Variants in SLC12A5 observed in about 807,000 individuals in gnomAD.
SLC12A5 encodes solute carrier family 12 member 5.
Under a neutral mutation model 124.0 loss-of-function variants are expected in SLC12A5, and 18 were observed. The observed-to-expected ratio is 0.15, with a 90% CI of 0.10 to 0.22. The LOEUF is 0.22. Among genes scored for constraint, SLC12A5 ranks in the 10% least tolerant of loss-of-function variants. The pLI, the probability that SLC12A5 is intolerant of heterozygous loss-of-function variation, is 1.00. For synonymous variants in SLC12A5, 589 were observed against 568.0 expected (o/e 1.04, Z -0.53); for missense variants, 867 against 1,478.7 (o/e 0.59, Z 6.78).
intron 5 of SLC12A5, 24 bp from the exon 6 acceptor site, chr20:46,037,231 G>A (rs538294635): frequency 2.7e-5 from 43 of 1,579,320 alleles, no homozygotes; most frequent in African/African-American, 1.5e-4. Flanking sequence ...CGACCCTCTC[G>A]CTGATACCAG....
At chr20:46,039,659 C>T (rs1214134637) in intron 6 of SLC12A5, among the ~76,000 whole-genome samples, 4 of 152,078 alleles carry the variant, frequency 2.6e-5, no homozygotes, top group Non-Finnish European at 2.9e-5. Flanking sequence ...CCTCTAATCC[C>T]AGCTACTCGG....
At chr20:46,040,880 G>A (rs2084539907) in intron 7 of SLC12A5, 1 of 528,860 alleles carries the variant, frequency 1.9e-6, no homozygotes, top group African/African-American at 1.9e-5. Flanking sequence ...AAGTGGGAAT[G>A]AGTTCCAAAG....
At chr20:46,039,984 A>G (rs1432395404) in intron 6 of SLC12A5, among the ~76,000 whole-genome samples, 1 of 152,214 alleles carries the variant, frequency 6.6e-6, no homozygotes, top group Non-Finnish European at 1.5e-5. Flanking sequence ...TAACAAAAAT[A>G]ACAGAAGTAA....
At position 46,053,266 on chromosome 20, in the gene SLC12A5, C is replaced by T; in HGVS notation, c.2547+140C>T. ...CCGTGTCCTTCCTCCCCTGTAAACT[C>T]CTGGGAAAGGGATCTGCTGACCTAC... On this transcript the variant is annotated intron_variant, in intron 19 of 25. Coordinates refer to ENST00000243964, the MANE Select transcript of SLC12A5 (RefSeq NM_020708.5). The surrounding 1 kb of genome is among the most constrained non-coding windows in gnomAD (Gnocchi z 4.7). 3 of 945,086 alleles carry T rather than the reference C, an allele frequency of 3.2e-6. No homozygotes were observed. Among genetic ancestry groups the T allele is most frequent in the South Asian group, 1.7e-5 (1 of 57,728 alleles). The allele number at this position is 945,086 out of a possible 1,614,324, so 58.5% of individuals were successfully genotyped here.
chr20:46,029,917 CGTGTGTGT>C (rs34618340), intron 1 of SLC12A5, among the ~76,000 whole-genome samples: 4 of 143,784 alleles, frequency 2.8e-5, no homozygotes, highest in Middle Eastern at 3.5e-3. Context: ...TGTGTGTGTG[CGTGTGTGT>C]GTGTGTGTGT....
chr20:46,041,206 A>G (rs1233264746), intron 7 of SLC12A5, 123 bp from the exon 8 acceptor site: 4 of 779,276 alleles, frequency 5.1e-6, no homozygotes, highest in Non-Finnish European at 8.1e-6. Context: ...TTTAAATTAA[A>G]CGAGGAACTC....
rs1568863560 is a variant in SLC12A5 at position 46,044,955 on chromosome 20, CAT to C, written c.1395-10_1395-9del. 1 of 1,614,218 alleles carries C rather than the reference CAT, an allele frequency of 6.2e-7. No individual in the cohort carries two copies. The highest frequency in any genetic ancestry group is 8.5e-7 in the Non-Finnish European group (1 of 1,180,022). On this transcript the variant is annotated splice_polypyrimidine_tract_variant and intron_variant, in intron 11 of 25. Transcript: ENST00000243964. ...CTGCTCACCTGGCATCTCCTGTCCA[CAT>C]CATTCCAGGTTTGGCGAAGCTGTGA...
chr20:46,052,458 G>A (rs1441828812), intron 18 of SLC12A5, among the ~76,000 whole-genome samples: 1 of 152,226 alleles, frequency 6.6e-6, no homozygotes, highest in African/African-American at 2.4e-5. Context: ...CCAGCACTTT[G>A]GGAAGCCAAG....
intron 21 of SLC12A5, chr20:46,055,912 TTGCTGTGCC>T: frequency 1.9e-6 from 1 of 537,742 alleles, no homozygotes; most frequent in Non-Finnish European, 3.3e-6. Flanking sequence ...AGGCAGAGCC[TTGCTGTGCC>T]AAGGTTAACC....
intron 1 of SLC12A5, chr20:46,022,058 G>A (rs1444250276): frequency 2.4e-6 from 2 of 833,910 alleles, no homozygotes; most frequent in African/African-American, 1.8e-5. Flanking sequence ...GGCCGGGGCC[G>A]CGGAACGCAA....
At chr20:46,041,645 G>T in intron 8 of SLC12A5, 105 bp downstream of exon 8, 1 of 1,197,402 alleles carries the variant, frequency 8.4e-7, no homozygotes, top group Non-Finnish European at 1.2e-6. Flanking sequence ...AATTCAATCA[G>T]CTTTAATTGA....
Position 46,056,596 on chromosome 20 carries a change from G to C in SLC12A5, c.3110+32G>C. 6.3e-7 allele frequency: 1 copy of C among 1,599,708 alleles called. No individual in the cohort carries two copies. The highest frequency in any genetic ancestry group is 8.5e-7 in the Non-Finnish European group (1 of 1,172,284). On this transcript the variant is annotated intron_variant, in intron 23 of 25. Coordinates refer to ENST00000243964, the MANE Select transcript of SLC12A5 (RefSeq NM_020708.5). This position sits in a 1 kb window ranked among gnomAD's most constrained non-coding sequence, Gnocchi z 4.3. The stretch of plus-strand genomic sequence containing the variant: ...GCCTGGGGGCTAAGGGCTGGGGGCT[G>C]GGGTGAGCTAAAGGGTCTTGCTCCC...
At position 46,035,179 on chromosome 20, in the gene SLC12A5, C is replaced by T. The variant is rs1035005961; in HGVS notation, c.147+137C>T. 1.3e-5 allele frequency: 14 copies of T among 1,045,352 alleles called. No individual in the cohort carries two copies. The African/African-American group carries it at 2.1e-4, about 15-fold the overall frequency. The allele number at this position is 1,045,352 out of a possible 1,614,324, so 64.8% of individuals were successfully genotyped here. On this transcript the variant is annotated intron_variant, in intron 2 of 25. Transcript: ENST00000243964. ...AGTCTACCTTCTTCCTTGAGCCTCC[C>T]CATCCCTCCTTCTCCCTCCTGGGAT...
At chr20:46,035,377 C>T in intron 2 of SLC12A5, 27 bp from the exon 3 acceptor site, 1 of 1,604,362 alleles carries the variant, frequency 6.2e-7, no homozygotes, top group Non-Finnish European at 8.5e-7. Flanking sequence ...CCCCCAGCCT[C>T]CTAGCACTGA....
chr20:46,021,917 G>C, intron 1 of SLC12A5: 1 of 1,488,220 alleles, frequency 6.7e-7, no homozygotes, highest in Non-Finnish European at 8.9e-7. Context: ...GGCCTGCCAG[G>C]GCCGGGCGGG....
At position 46,045,175 on chromosome 20, in the gene SLC12A5, G is replaced by T; in HGVS notation, c.1569+35G>T. ...GGAGAAGAACAGCCCACCCTCAGTA[G>T]ACCAGCCAGGCCCCTGCCCAGAGAG... On this transcript the variant is annotated intron_variant, in intron 12 of 25. Transcript: ENST00000243964. This position sits in a 1 kb window ranked among gnomAD's most constrained non-coding sequence, Gnocchi z 4.9. 1 of 1,531,896 alleles carries T rather than the reference G, an allele frequency of 6.5e-7. No individual in the cohort carries two copies. The highest frequency in any genetic ancestry group is 1.3e-5 in the South Asian group (1 of 79,032). The allele number at this position is 1,531,896 out of a possible 1,614,324, so 94.9% of individuals were successfully genotyped here. A position where few individuals can be genotyped will look rare whatever the true frequency, so the allele number is the denominator to read the frequency against.
chr20:46,044,295 T>C (rs1600598044), intron 11 of SLC12A5, among the ~76,000 whole-genome samples: 1 of 152,070 alleles, frequency 6.6e-6, no homozygotes, highest in African/African-American at 2.4e-5. Context: ...AAATAACACA[T>C]GGTTTTTGTA....
At position 46,058,426 on chromosome 20, in the gene SLC12A5, CCAA is replaced by C. The variant is rs2084716942; in HGVS notation, c.*823_*825del. 2 of 398,898 alleles carry C rather than the reference CCAA, an allele frequency of 5.0e-6. No individual in the cohort carries two copies. The highest frequency in any genetic ancestry group is 4.4e-6 in the Non-Finnish European group (1 of 226,114). 24.7% of individuals were successfully genotyped at this position (398,898 alleles called of 1,614,324 possible). A position where few individuals can be genotyped will look rare whatever the true frequency, so the allele number is the denominator to read the frequency against. On this transcript the variant is annotated 3_prime_UTR_variant, in exon 26 of 26. Transcript: ENST00000243964. The surrounding 1 kb of genome is among the most constrained non-coding windows in gnomAD (Gnocchi z 5.8). ...TTCCGAGATGAGGTGAGACAAGGGT[CCAA>C]CTTTTCCTGGATTCGCCTCCCAGCG...
Position 46,059,105 on chromosome 20 carries a change from C to T in SLC12A5, c.*1500C>T. ...GGCGCGGTGGCCGGGTTCCCTTCCC[C>T]TAGGGCACATTACTAAGGGGGTCAG... On this transcript the variant is annotated 3_prime_UTR_variant, in exon 26 of 26. Transcript: ENST00000243964. 1 of 229,714 alleles carries T rather than the reference C, an allele frequency of 4.4e-6. No homozygotes were observed. 14.2% of individuals were successfully genotyped at this position (229,714 alleles called of 1,614,324 possible).
Sources: gnomAD v4.1 joint callset for allele counts (sites outside exome capture counted in the v4.1 genomes callset) on GRCh38, gnomAD v4.1.1 for gene constraint, Gnocchi (gnomAD v3.1) non-coding constraint, MANE v1.5 for transcripts, NCBI Gene and HGNC (gene_info 2026-07-23, HGNC 2026-07-21) for gene names.